The following GPR135 variants were observed in gnomAD, a reference collection of about 807,000 sequenced individuals.
The protein encoded by GPR135 is G protein-coupled receptor 135.
A neutral mutation model predicts 15.0 loss-of-function variants in GPR135; 17 were observed. The observed-to-expected ratio is 1.13, with a 90% CI of 0.78 to 1.70. The LOEUF is 1.70. GPR135 is among the 40% of genes most tolerant of loss of function. GPR135 has a pLI of 0.00. For missense variants in GPR135, 776 were observed against 727.0 expected, an observed-to-expected ratio of 1.07 and a Z score of -0.78; for synonymous variants, 368 against 349.4, an observed-to-expected ratio of 1.05 and a Z score of -0.59.
Position 59,461,970 on chromosome 14 carries a change from T to C in GPR135, c.*1772A>G, listed in dbSNP as rs969864833. On this transcript the variant is annotated 3_prime_UTR_variant, in exon 1 of 1. Coordinates refer to ENST00000395116, the MANE Select transcript of GPR135 (RefSeq NM_022571.6). ...ATTATCTCATCTACTTTGTACTACA[T>C]TGAGTGTAGCAAAATATATACAATT... 6.6e-6 allele frequency: 1 copy of C among 152,220 alleles called. No homozygotes were observed. Among genetic ancestry groups the C allele is most frequent in the South Asian group, 2.1e-4 (1 of 4,830 alleles). The allele number at this position is 152,220 out of a possible 1,614,324, so 9.4% of individuals were successfully genotyped here.
Position 59,463,939 on chromosome 14 carries a change from G to T in GPR135, c.1288C>A (p.Leu430Ile), listed in dbSNP as rs752933876. 6.2e-7 allele frequency: 1 copy of T among 1,614,064 alleles called. No individual in the cohort carries two copies. The highest frequency in any genetic ancestry group is 8.5e-7 in the Non-Finnish European group (1 of 1,179,994). ...PGLQARSRSR[L>I]RNRYANRLGA... Reference sequence around the variant, plus strand: ...AGCCGGTTGGCATAGCGGTTTCGAAGGCGACTGCGGCTTCTGGCTTGCAGA... The same window carrying T: ...AGCCGGTTGGCATAGCGGTTTCGAATGCGACTGCGGCTTCTGGCTTGCAGA... Residue 430 changes from leucine (L) to isoleucine (I), a missense_variant, in exon 1 of 1, where the codon CTT (leucine) becomes ATT (isoleucine). Coordinates refer to ENST00000395116, the MANE Select transcript of GPR135 (RefSeq NM_022571.6).
At position 59,461,328 on chromosome 14, in the gene GPR135, G is replaced by A. The variant is rs1888850198; in HGVS notation, c.*2414C>T. On this transcript the variant is annotated 3_prime_UTR_variant, in exon 1 of 1. Coordinates refer to ENST00000395116, the MANE Select transcript of GPR135 (RefSeq NM_022571.6). ...GAGTTCTGAGGCCAAACAGACTGCA[G>A]TTCAAATCCTAGTTCTACCACTAAA... 1 of 152,200 alleles carries A rather than the reference G, an allele frequency of 6.6e-6. No homozygotes were observed. Among genetic ancestry groups the A allele is most frequent in the African/African-American group, 2.4e-5 (1 of 41,450 alleles). The allele number at this position is 152,200 out of a possible 1,614,324, so 9.4% of individuals were successfully genotyped here. A position where few individuals can be genotyped will look rare whatever the true frequency, so the allele number is the denominator to read the frequency against.
chr14:59,464,696 C>CGCG lies in GPR135; in HGVS notation c.528_530dup (p.Ala177dup), dbSNP rs2139780663. On this transcript the variant is annotated inframe_insertion, in exon 1 of 1. Coordinates refer to ENST00000395116, the MANE Select transcript of GPR135 (RefSeq NM_022571.6). ...CGGCGCAGAAGCCGCGCCAGGGCCC[C>CGCG]GCGGCGGCGGCAGGCGCCGAACCCC... The CGCG allele has an allele frequency of 1.1e-5, 17 of 1,574,682 alleles. No homozygotes were observed. The highest frequency in any genetic ancestry group is 1.8e-5 in the Admixed American group (1 of 55,020).
chr14:59,464,942 C>A lies in GPR135; in HGVS notation c.285G>T (p.Pro95=). The change falls in exon 1 of 1, where the codon CCG becomes CCT. Residue 95 remains proline, a synonymous_variant. Coordinates refer to ENST00000395116, the MANE Select transcript of GPR135 (RefSeq NM_022571.6). The part of the protein sequence containing the change: ...VRRPLGPEAA[P]LLSHGAAVAA... ...CCACTGCAGCTCCGTGCGACAGCAG[C>A]GGCGCCGCCTCCGGGCCTAGCGGCC... The A allele has an allele frequency of 6.4e-7, 1 of 1,554,366 alleles. No homozygotes were observed. Among genetic ancestry groups the A allele is most frequent in the Non-Finnish European group, 8.7e-7 (1 of 1,153,728 alleles).
Position 59,464,191 on chromosome 14 carries a change from G to A in GPR135, c.1036C>T (p.Pro346Ser). 6.2e-7 allele frequency: 1 copy of A among 1,609,194 alleles called. No homozygotes were observed. Residue 346 changes from proline to serine, a missense_variant, in exon 1 of 1, where the codon CCC becomes TCC. Physicochemically the swap from Pro to Ser is moderately conservative, Grantham distance 74 (BLOSUM62 -1). Transcript: ENST00000395116. ...MIVFVICCWG[P>S]YCFLVLLAAA... Reference sequence around the variant, plus strand: ...GCCAGCAGCACCAGGAAGCAGTAGGGCCCCCAGCAGCAGATGACGAAGACG... The same window carrying A: ...GCCAGCAGCACCAGGAAGCAGTAGGACCCCCAGCAGCAGATGACGAAGACG...
Position 59,465,163 on chromosome 14 carries a change from C to T in GPR135, c.64G>A (p.Gly22Ser), listed in dbSNP as rs953156158. 168 of 1,330,414 alleles carry T rather than the reference C, an allele frequency of 1.3e-4. No homozygotes were observed. Among genetic ancestry groups the T allele is most frequent in the Non-Finnish European group, 1.5e-4 (161 of 1,043,626 alleles). 82.4% of individuals were successfully genotyped at this position (1,330,414 alleles called of 1,614,324 possible). Residue 22 changes from glycine (G) to serine (S), a missense_variant, in exon 1 of 1, where the codon GGC (glycine) becomes AGC (serine). Coordinates refer to ENST00000395116, the MANE Select transcript of GPR135 (RefSeq NM_022571.6). ...GGTGGGCCGGCCGCGGAGGGGGCGC[C>T]GGAGTGCTGGCTGCCCAGTAAGGCC... ...SMALLGSQHSGAPSAAGPPGG... is the reference protein window; with the variant it reads ...SMALLGSQHSSAPSAAGPPGG...
At position 59,463,430 on chromosome 14, in the gene GPR135, T is replaced by C. The variant is rs1369935479; in HGVS notation, c.*312A>G. The stretch of plus-strand genomic sequence containing the variant: ...CTGGTTGCATTCAATGTTTTGTTTG[T>C]TTCACAGTGTGGTCCTATAATATGA... On this transcript the variant is annotated 3_prime_UTR_variant, in exon 1 of 1. Transcript: ENST00000395116. 3 of 324,338 alleles carry C rather than the reference T, an allele frequency of 9.2e-6. No homozygotes were observed. The highest frequency in any genetic ancestry group is 1.7e-5 in the Non-Finnish European group (3 of 176,456). The allele number at this position is 324,338 out of a possible 1,614,324, so 20.1% of individuals were successfully genotyped here.
In GPR135 at chr14:59,464,296, C is replaced by T. The variant is rs540383538; in HGVS notation, c.931G>A (p.Val311Met). 4.3e-6 allele frequency: 7 copies of T among 1,611,772 alleles called. No individual in the cohort carries two copies. In the East Asian group the frequency reaches 8.9e-5, roughly 21 times the overall value. Reference protein sequence around the residue: ...CKTVRLSDVRVRPVNTYARVL... With the variant: ...CKTVRLSDVRMRPVNTYARVL... ...CGCGCGTAGGTGTTCACCGGCCGCA[C>T]GCGCACGTCCGACAGGCGCACCGTC... is the stretch of plus-strand genomic sequence containing the variant. The change falls in exon 1 of 1, where the codon GTG (valine) becomes ATG (methionine). Residue 311 changes from valine (V) to methionine (M), a missense_variant. Transcript: ENST00000395116.
Position 59,463,936 on chromosome 14 carries a change from G to A in GPR135, c.1291C>T (p.Arg431Ter), listed in dbSNP as rs546298096. 4 of 1,613,934 alleles carry A rather than the reference G, an allele frequency of 2.5e-6. No homozygotes were observed. The highest frequency in any genetic ancestry group is 3.4e-6 in the Non-Finnish European group (4 of 1,179,980). ...CCCAGCCGGTTGGCATAGCGGTTTCGAAGGCGACTGCGGCTTCTGGCTTGC... is the reference window on the plus strand; with the variant it reads ...CCCAGCCGGTTGGCATAGCGGTTTCAAAGGCGACTGCGGCTTCTGGCTTGC... ...GLQARSRSRL[R>*]NRYANRLGAC... The change falls in exon 1 of 1, where the codon CGA becomes TGA. Residue 431 changes from arginine to a stop codon, truncating the protein, a stop_gained. Transcript: ENST00000395116. LOFTEE classifies it low-confidence loss of function (END_TRUNC).
rs773646614 is a variant in GPR135, at chr14:59,464,445, C to A, written c.782G>T (p.Gly261Val). ...GTCCGGGGAGGTCCGGTAGAGGCAG[C>A]CGTGGAAGCTCTGCGCCGCCGCGAG... ...RELAAAQSFH[G>V]CLYRTSPDPA... Residue 261 changes from glycine to valine, a missense_variant, in exon 1 of 1, where the codon GGC (glycine) becomes GTC (valine). Coordinates refer to ENST00000395116, the MANE Select transcript of GPR135 (RefSeq NM_022571.6). 7.3e-5 allele frequency: 114 copies of A among 1,563,286 alleles called. No homozygotes were observed. The highest frequency in any genetic ancestry group is 9.3e-5 in the Non-Finnish European group (108 of 1,158,020).
downstream of GPR135, among the ~76,000 whole-genome samples, chr14:59,458,164 G>A (rs1011955343): frequency 6.6e-6 from 1 of 152,192 alleles, no homozygotes; most frequent in African/African-American, 2.4e-5. Flanking sequence ...GTCACCCTTG[G>A]AGAACAATAG....
Position 59,464,847 on chromosome 14 carries a change from A to AC in GPR135, c.379dup (p.Val127GlyfsTer283). ...GCGGAGCTGCCGGTGCTTCACAATC[A>AC]CCCCCATCACCGCGCAGTTGCCAAG... On this transcript the variant is annotated frameshift_variant, in exon 1 of 1. Transcript: ENST00000395116. LOFTEE classifies it high-confidence loss of function. 1 of 1,600,988 alleles carries AC rather than the reference A, an allele frequency of 6.2e-7. No homozygotes were observed. Among genetic ancestry groups the AC allele is most frequent in the East Asian group, 2.3e-5 (1 of 44,222 alleles).
In GPR135 at chr14:59,464,059, G is replaced by C; in HGVS notation, c.1168C>G (p.Arg390Gly). ...GAINPVIYAI[R>G]NPNISMLLGR... Reference sequence around the variant, plus strand: ...AGGAGCATCGAAATGTTGGGATTGCGGATGGCGTAGATGACAGGGTTGATG... The same window carrying C: ...AGGAGCATCGAAATGTTGGGATTGCCGATGGCGTAGATGACAGGGTTGATG... Residue 390 changes from arginine to glycine, a missense_variant, in exon 1 of 1, where the codon CGC becomes GGC. Transcript: ENST00000395116. 2 of 1,613,474 alleles carry C rather than the reference G, an allele frequency of 1.2e-6. No homozygotes were observed. The highest frequency in any genetic ancestry group is 1.7e-6 in the Non-Finnish European group (2 of 1,180,030).
At position 59,462,077 on chromosome 14, in the gene GPR135, C is replaced by T. The variant is rs1393744019; in HGVS notation, c.*1665G>A. 6.6e-6 allele frequency: 1 copy of T among 152,120 alleles called. No homozygotes were observed. The highest frequency in any genetic ancestry group is 2.4e-5 in the African/African-American group (1 of 41,420). 9.4% of individuals were successfully genotyped at this position (152,120 alleles called of 1,614,324 possible). A position where few individuals can be genotyped will look rare whatever the true frequency, so the allele number is the denominator to read the frequency against. On this transcript the variant is annotated 3_prime_UTR_variant, in exon 1 of 1. Coordinates refer to ENST00000395116, the MANE Select transcript of GPR135 (RefSeq NM_022571.6). ...TAGCTCTGACATGACTCATATATTT[C>T]CACCTTTGATTACAAAATAATGACA...
Position 59,461,406 on chromosome 14 carries a change from TC to T in GPR135, c.*2335del, listed in dbSNP as rs979913244. On this transcript the variant is annotated 3_prime_UTR_variant, in exon 1 of 1. Transcript: ENST00000395116. ...AACAATTTAGAGCATTGTAAATTGTTCAGTAATTTATGAACAATTTTCTCTT... is the reference window on the plus strand; with the variant it reads ...AACAATTTAGAGCATTGTAAATTGTTAGTAATTTATGAACAATTTTCTCTT... 11 of 152,178 alleles carry T rather than the reference TC, an allele frequency of 7.2e-5. No individual in the cohort carries two copies. The highest frequency in any genetic ancestry group is 2.7e-4 in the African/African-American group (11 of 41,438). 9.4% of individuals were successfully genotyped at this position (152,178 alleles called of 1,614,324 possible). A position where few individuals can be genotyped will look rare whatever the true frequency, so the allele number is the denominator to read the frequency against.
chr14:59,458,781 AC>A (rs1782315174), downstream of GPR135: 1 of 152,196 alleles, frequency 6.6e-6, no homozygotes, highest in Non-Finnish European at 1.5e-5. Context: ...AGCATGCCAC[AC>A]CCTAGTAAAG....
In GPR135 at chr14:59,463,615, G is replaced by A; in HGVS notation, c.*127C>T. ...TCTTTTATGTTGTTTGGGGAAAGTG[G>A]TAAGCCTCCCCCGTCTCTAGCTTTA... On this transcript the variant is annotated 3_prime_UTR_variant, in exon 1 of 1. Transcript: ENST00000395116. 1 of 890,446 alleles carries A rather than the reference G, an allele frequency of 1.1e-6. No homozygotes were observed. Among genetic ancestry groups the A allele is most frequent in the Non-Finnish European group, 1.7e-6 (1 of 599,174 alleles). 55.2% of individuals were successfully genotyped at this position (890,446 alleles called of 1,614,324 possible).
chr14:59,457,888 C>A (rs1040269287), downstream of GPR135, among the ~76,000 whole-genome samples: 1 of 151,974 alleles, frequency 6.6e-6, no homozygotes, highest in Admixed American at 6.6e-5. Context: ...CTGTGCATGT[C>A]TCATATATTT....
At position 59,463,182 on chromosome 14, in the gene GPR135, T is replaced by C. The variant is rs904560533; in HGVS notation, c.*560A>G. On this transcript the variant is annotated 3_prime_UTR_variant, in exon 1 of 1. Coordinates refer to ENST00000395116, the MANE Select transcript of GPR135 (RefSeq NM_022571.6). ...TCCTAAAATGATTTTAAATGGGTTATGAATTAAAAATTTTCCACAAAGGTT... is the reference window on the plus strand; with the variant it reads ...TCCTAAAATGATTTTAAATGGGTTACGAATTAAAAATTTTCCACAAAGGTT... 4.6e-5 allele frequency: 7 copies of C among 152,308 alleles called. No individual in the cohort carries two copies. The highest frequency in any genetic ancestry group is 8.8e-5 in the Non-Finnish European group (6 of 68,088). The allele number at this position is 152,308 out of a possible 1,614,324, so 9.4% of individuals were successfully genotyped here.
Sources: allele counts gnomAD v4.1 joint callset (sites outside exome capture counted in the v4.1 genomes callset), GRCh38; gene constraint gnomAD v4.1.1; transcripts MANE v1.5; gene names NCBI Gene and HGNC (gene_info 2026-07-23, HGNC 2026-07-21).